Variants in DIP2B observed in about 807,000 individuals in gnomAD.
DIP2B encodes the protein disco-interacting protein 2 homolog B.
DIP2B carries 76 observed loss-of-function variants against 198.0 expected under a neutral mutation model. The observed-to-expected ratio is 0.38, with a 90% CI of 0.32 to 0.46. DIP2B has a LOEUF of 0.46. Ranked by LOEUF, DIP2B falls within the 20% of genes least tolerant of loss-of-function variation. DIP2B has a pLI of 0.99. For missense variants in DIP2B, 1,559 were observed against 1,978.4 expected (o/e 0.79, Z 4.02); for synonymous variants, 701 against 739.1 (o/e 0.95, Z 0.84).
chr12:50,686,005 C>G (rs1195441040), intron 11 of DIP2B, 49 bp downstream of exon 11: 1 of 1,561,170 alleles, frequency 6.4e-7, no homozygotes, highest in Non-Finnish European at 8.7e-7. Context: ...AAACTGAGTG[C>G]TTTAATTAGC....
chr12:50,562,121 C>G (rs1210913598), intron 1 of DIP2B, among the ~76,000 whole-genome samples: 2 of 152,084 alleles, frequency 1.3e-5, no homozygotes, highest in African/African-American at 4.8e-5. Flanking sequence ...TTAGTTATCT[C>G]CCTGACCTTG....
intron 1 of DIP2B, among the ~76,000 whole-genome samples, chr12:50,593,935 TTCTTA>T (rs1380800190): frequency 9.3e-6 from 1 of 107,900 alleles, no homozygotes; most frequent in African/African-American, 3.7e-5. Context: ...CTCTTCTCTT[TTCTTA>T]TCTTTTCTTT....
At chr12:50,719,218 C>T (rs1939788862) in intron 25 of DIP2B, among the ~76,000 whole-genome samples, 183 bp downstream of exon 25, 1 of 152,126 alleles carries the variant, frequency 6.6e-6, no homozygotes, top group Admixed American at 6.5e-5. Context: ...GGACTGAGAC[C>T]TCCTGGAGTG....
At chr12:50,687,952 G>A (rs910958950) in intron 12 of DIP2B, among the ~76,000 whole-genome samples, 11 of 151,182 alleles carry the variant, frequency 7.3e-5, no homozygotes, top group African/African-American at 2.2e-4. Context: ...ATTGGTTCAC[G>A]CCTGTAATCC....
At chr12:50,655,722 A>T (rs1179958052) in intron 3 of DIP2B, among the ~76,000 whole-genome samples, 1 of 152,224 alleles carries the variant, frequency 6.6e-6, no homozygotes, top group African/African-American at 2.4e-5. Context: ...GCTCACGCCC[A>T]TAATCCCAGC....
chr12:50,686,518 G>T (rs1208536679), intron 11 of DIP2B, 55 bp from the exon 12 acceptor site: 8 of 1,511,282 alleles, frequency 5.3e-6, no homozygotes, highest in Admixed American at 1.7e-5. Context: ...AGTTCAGTGT[G>T]AATTCATTCC....
intron 1 of DIP2B, among the ~76,000 whole-genome samples, chr12:50,551,269 C>A (rs560388030): frequency 2.0e-5 from 3 of 152,034 alleles, no homozygotes; most frequent in Admixed American, 2.0e-4. Context: ...ACTAAAAATA[C>A]AAAAATTAGC....
intron 1 of DIP2B, 130 bp from the exon 2 acceptor site, chr12:50,625,846 A>C (rs1593666195): frequency 1.2e-6 from 1 of 866,506 alleles, no homozygotes; most frequent in Non-Finnish European, 1.8e-6. Context: ...AAAGAACCAT[A>C]CATTCCCCCC....
Position 50,698,325 on chromosome 12 carries a change from C to T in DIP2B, c.2049-3C>T, listed in dbSNP as rs1939354923. 2.5e-6 allele frequency: 4 copies of T among 1,608,028 alleles called. No individual in the cohort carries two copies. The highest frequency in any genetic ancestry group is 3.4e-6 in the Non-Finnish European group (4 of 1,177,726). On this transcript the variant is annotated splice_polypyrimidine_tract_variant and splice_region_variant and intron_variant, in intron 17 of 37. Coordinates refer to ENST00000301180, the MANE Select transcript of DIP2B (RefSeq NM_173602.3). ...ACCAAACTTGATGGGTTCTTCTTTT[C>T]AGGCCTGGAGTTCCAGGAGCCCCTT...
At chr12:50,715,808 G>A (rs1939703983) in intron 23 of DIP2B, among the ~76,000 whole-genome samples, 2 of 152,152 alleles carry the variant, frequency 1.3e-5, no homozygotes, top group South Asian at 4.1e-4. Flanking sequence ...CCAGGCATGT[G>A]TCCAGCTAAA....
intron 19 of DIP2B, among the ~76,000 whole-genome samples, chr12:50,702,554 ACT>A (rs1283273223): frequency 2.7e-5 from 4 of 150,106 alleles, no homozygotes; most frequent in African/African-American, 9.8e-5. Flanking sequence ...AGAGCAAAAA[ACT>A]CTGTCTTAAA....
chr12:50,746,504 C>CTTGTGATGT lies in DIP2B; in HGVS notation c.*1666_*1674dup, dbSNP rs1158299653. 1 of 152,172 alleles carries CTTGTGATGT rather than the reference C, an allele frequency of 6.6e-6. No homozygotes were observed. The highest frequency in any genetic ancestry group is 6.5e-5 in the Admixed American group (1 of 15,274). The allele number at this position is 152,172 out of a possible 1,614,324, so 9.4% of individuals were successfully genotyped here. A position where few individuals can be genotyped will look rare whatever the true frequency, so the allele number is the denominator to read the frequency against. The stretch of plus-strand genomic sequence containing the variant: ...TGCTCTAGGGCTGCCATTACACGGT[C>CTTGTGATGT]TTGTGATGTGACTAAAAGCCACTTT... On this transcript the variant is annotated 3_prime_UTR_variant, in exon 38 of 38. Coordinates refer to ENST00000301180, the MANE Select transcript of DIP2B (RefSeq NM_173602.3).
At chr12:50,536,598 C>G (rs963105105) in intron 1 of DIP2B, among the ~76,000 whole-genome samples, 1 of 148,606 alleles carries the variant, frequency 6.7e-6, no homozygotes, top group African/African-American at 2.5e-5. Flanking sequence ...GACAGGGTCT[C>G]ACTTTGTCAC....
intron 32 of DIP2B, 27 bp downstream of exon 32, chr12:50,732,563 G>A (rs936440375): frequency 1.2e-6 from 2 of 1,612,684 alleles, no homozygotes; most frequent in Non-Finnish European, 1.7e-6. Context: ...CTTGTCTGTT[G>A]ACAAATGGGA....
At chr12:50,677,712 T>C (rs1011248154) in intron 7 of DIP2B, among the ~76,000 whole-genome samples, 1 of 152,138 alleles carries the variant, frequency 6.6e-6, no homozygotes, top group African/African-American at 2.4e-5. Flanking sequence ...GTTTTATCTG[T>C]GAAAGGGTAT....
intron 4 of DIP2B, among the ~76,000 whole-genome samples, chr12:50,669,838 T>C (rs907593918): frequency 8.5e-5 from 13 of 152,174 alleles, no homozygotes; most frequent in African/African-American, 2.9e-4. Context: ...TCCAGCCCCA[T>C]TGGTTATGTA....
chr12:50,727,669 T>C, intron 28 of DIP2B, 34 bp from the exon 29 acceptor site: 1 of 1,570,256 alleles, frequency 6.4e-7, no homozygotes, highest in Non-Finnish European at 8.8e-7. Flanking sequence ...TCCAGCATGT[T>C]GGATTGACAT....
chr12:50,725,505 G>A (rs1185506413), intron 28 of DIP2B, among the ~76,000 whole-genome samples: 2 of 152,154 alleles, frequency 1.3e-5, no homozygotes, highest in Admixed American at 6.5e-5. Flanking sequence ...AAGAGTGTGG[G>A]TGTTGGAGTC....
chr12:50,622,388 TGTA>T (rs1160708907), intron 1 of DIP2B, among the ~76,000 whole-genome samples: 1 of 152,360 alleles, frequency 6.6e-6, no homozygotes, highest in Non-Finnish European at 1.5e-5. Context: ...ATTTGTATAG[TGTA>T]GTAAGTAGTC....
Sources: allele counts gnomAD v4.1 joint callset (sites outside exome capture counted in the v4.1 genomes callset), GRCh38; gene constraint gnomAD v4.1.1; transcripts MANE v1.5; gene names NCBI Gene and HGNC (gene_info 2026-07-23, HGNC 2026-07-21).